DACH2: variants seen among roughly 807,000 people sequenced by gnomAD.
The protein encoded by DACH2 is dachshund family transcription factor 2.
A neutral mutation model predicts 35.8 loss-of-function variants in DACH2; 17 were observed. That is an observed-to-expected ratio of 0.48 (90% CI 0.33 to 0.71). The LOEUF is 0.71. DACH2 is among the 30% of genes least tolerant of loss of function. The pLI, the probability that DACH2 is intolerant of heterozygous loss-of-function variation, is 0.02. For missense variants in DACH2, 469 were observed against 472.7 expected (o/e 0.99, Z 0.07); for synonymous variants, 195 against 177.3 (o/e 1.10, Z -0.79).
intron 3 of DACH2, among the ~76,000 whole-genome samples, chrX:86,566,822 T>C (rs2039299412): frequency 9.0e-6 from 1 of 111,600 alleles, no homozygotes; most frequent in Non-Finnish European, 1.9e-5. Context: ...GCAAGTATCC[T>C]ATAAAATACT....
intron 1 of DACH2, among the ~76,000 whole-genome samples, chrX:86,215,709 C>A (rs1163686431): frequency 9.0e-6 from 1 of 111,568 alleles, no homozygotes; most frequent in African/African-American, 3.3e-5. Flanking sequence ...AGTACAAGCA[C>A]AAATGCTAGG....
At chrX:86,184,227 TG>T (rs2031606518) in intron 1 of DACH2, 2 of 188,759 alleles carry the variant, frequency 1.1e-5, no homozygotes, top group South Asian at 6.7e-5. Flanking sequence ...TTTTTTTTTT[TG>T]ATAGAGTTTC....
intron 2 of DACH2, among the ~76,000 whole-genome samples, chrX:86,489,582 A>T (rs974209584): frequency 2.7e-5 from 3 of 111,503 alleles, no homozygotes; most frequent in African/African-American, 9.7e-5. Flanking sequence ...TGACTTAGCC[A>T]TTTCACAATG....
At position 86,537,159 on chromosome X, in the gene DACH2, G is replaced by A. The variant is rs183477830; in HGVS notation, c.640+22768G>A. ...CATATGTAGGCTGCCAATGTTTCTA[G>A]CTTGTACTATCCAGTGTGTCAAATC... On this transcript the variant is annotated intron_variant, in intron 3 of 11. Transcript: ENST00000373125. 2.1e-3 allele frequency among the ~76,000 whole-genome samples: 235 copies of A among 111,722 alleles called. 1 individual carries two copies. Among genetic ancestry groups the A allele is most frequent in the Admixed American group, 4.8e-3 (51 of 10,527 alleles).
intron 7 of DACH2, among the ~76,000 whole-genome samples, chrX:86,762,833 T>C (rs1781918532): frequency 8.9e-6 from 1 of 111,894 alleles, no homozygotes; most frequent in South Asian, 3.7e-4. Context: ...AATTAAATTC[T>C]TTATTTTAAA....
chrX:86,668,217 C>T (rs1333874275), intron 4 of DACH2, among the ~76,000 whole-genome samples: 1 of 112,034 alleles, frequency 8.9e-6, no homozygotes, highest in East Asian at 2.8e-4. Context: ...GTATGAGGAA[C>T]ATGTCTTTGT....
intron 4 of DACH2, among the ~76,000 whole-genome samples, chrX:86,660,438 A>G (rs1269780885): frequency 8.9e-6 from 1 of 111,770 alleles, no homozygotes; most frequent in Non-Finnish European, 1.9e-5. Context: ...TTAAGTACAA[A>G]CAGGTAAAAA....
Position 86,376,089 on chromosome X carries a change from G to T in DACH2, c.489-735G>T, listed in dbSNP as rs767112689. On this transcript the variant is annotated intron_variant, in intron 1 of 11. Transcript: ENST00000373125. ...GGCTAATTATGTGTTTTTTAAAATG[G>T]ATCTCTTTTGTATGTGTTTAATTTC... Among the ~76,000 whole-genome samples, 4 of 108,367 alleles carry T rather than the reference G, an allele frequency of 3.7e-5. No homozygotes were observed. In the East Asian group the frequency reaches 1.2e-3, roughly 32 times the overall value. The allele number at this position is 108,367 out of a possible 115,157, so 94.1% of individuals were successfully genotyped here.
rs372728375 is a variant in DACH2 at position 86,254,777 on chromosome X, A to T, written c.488+105669A>T. On this transcript the variant is annotated intron_variant, in intron 1 of 11. Coordinates refer to ENST00000373125, the MANE Select transcript of DACH2 (RefSeq NM_053281.3). ...AAGTGTGTGGGGTGTTATTCAAATAAATAAATATATATATATATATATATA... is the reference window on the plus strand; with the variant it reads ...AAGTGTGTGGGGTGTTATTCAAATATATAAATATATATATATATATATATA... Among the ~76,000 whole-genome samples the T allele has an allele frequency of 9.8e-3, 139 of 14,144 alleles. 1 individual carries two copies. The highest frequency in any genetic ancestry group is 0.025 in the African/African-American group (122 of 4,846). The allele number at this position is 14,144 out of a possible 115,157, so 12.3% of individuals were successfully genotyped here. A position where few individuals can be genotyped will look rare whatever the true frequency, so the allele number is the denominator to read the frequency against.
intron 1 of DACH2, among the ~76,000 whole-genome samples, chrX:86,261,087 A>C (rs1329539220): frequency 8.9e-6 from 1 of 112,097 alleles, no homozygotes; most frequent in Non-Finnish European, 1.9e-5. Context: ...TCAGTGATTC[A>C]AATCCAGCTA....
At chrX:86,383,349 T>C (rs1164274258) in intron 2 of DACH2, among the ~76,000 whole-genome samples, 1 of 108,403 alleles carries the variant, frequency 9.2e-6, no homozygotes. Flanking sequence ...TCATATGGCC[T>C]TTATCACCTG....
At chrX:86,268,734 A>G (rs1445872776) in intron 1 of DACH2, among the ~76,000 whole-genome samples, 1 of 109,684 alleles carries the variant, frequency 9.1e-6, no homozygotes, top group Non-Finnish European at 1.9e-5. Context: ...GGGTTTCGCC[A>G]TGTTGGCCAG....
intron 1 of DACH2, among the ~76,000 whole-genome samples, chrX:86,324,688 C>G (rs1370593152): frequency 1.0e-5 from 1 of 96,960 alleles, no homozygotes; most frequent in Non-Finnish European, 2.0e-5. Context: ...ACACCATTCT[C>G]CTGCCTCAGC....
chrX:86,222,888 C>A (rs2032744376), intron 1 of DACH2, among the ~76,000 whole-genome samples: 1 of 110,305 alleles, frequency 9.1e-6, no homozygotes, highest in Non-Finnish European at 1.9e-5. Flanking sequence ...AAAGGGAGTA[C>A]AATTAGTAAG....
chrX:86,763,143 C>T (rs1415562820), intron 7 of DACH2, among the ~76,000 whole-genome samples: 1 of 111,874 alleles, frequency 8.9e-6, no homozygotes, highest in Admixed American at 9.5e-5. Context: ...TATTTCACCC[C>T]TAGCATATCA....
intron 4 of DACH2, among the ~76,000 whole-genome samples, chrX:86,671,024 A>G (rs1602766195): frequency 8.9e-6 from 1 of 112,090 alleles, no homozygotes; most frequent in Non-Finnish European, 1.9e-5. Flanking sequence ...ATCCAAATTC[A>G]TTGTGTGTAT....
At chrX:86,684,978 CTT>C (rs1190712025) in intron 4 of DACH2, among the ~76,000 whole-genome samples, 11 of 111,455 alleles carry the variant, frequency 9.9e-5, no homozygotes, top group African/African-American at 3.6e-4. Flanking sequence ...TTACATAAAA[CTT>C]TTAAAACATA....
At chrX:86,586,481 C>G (rs2039572130) in intron 3 of DACH2, among the ~76,000 whole-genome samples, 1 of 111,529 alleles carries the variant, frequency 9.0e-6, no homozygotes, top group Admixed American at 9.6e-5. Flanking sequence ...ATCATGAAAC[C>G]TTTGCCAGGT....
chrX:86,383,410 G>A (rs976918287), intron 2 of DACH2, among the ~76,000 whole-genome samples: 19 of 105,909 alleles, frequency 1.8e-4, no homozygotes, highest in African/African-American at 6.2e-4. Context: ...ATCTCTATTC[G>A]CAAAACCAAT....
Sources: gnomAD v4.1 joint callset for allele counts (sites outside exome capture counted in the v4.1 genomes callset) on GRCh38, gnomAD v4.1.1 for gene constraint, MANE v1.5 for transcripts, NCBI Gene and HGNC (gene_info 2026-07-23, HGNC 2026-07-21) for gene names.